The following COG4 variants were observed in gnomAD, a reference collection of about 807,000 sequenced individuals.
The protein encoded by COG4 is conserved oligomeric Golgi complex subunit 4.
A neutral mutation model predicts 95.1 loss-of-function variants in COG4; 65 were observed. The ratio of observed to expected loss-of-function variants is 0.68; its 90% CI spans 0.56 to 0.84. The LOEUF (loss-of-function observed/expected upper bound fraction) is 0.84, where lower values mean the gene tolerates loss of function less well. Ranked by LOEUF, COG4 falls within the 40% of genes least tolerant of loss-of-function variation. COG4 has a pLI of 0.00. For missense variants in COG4, 1,045 were observed against 989.1 expected, an observed-to-expected ratio of 1.06 and a Z score of -0.76; for synonymous variants, 421 against 374.8, an observed-to-expected ratio of 1.12 and a Z score of -1.42.
At chr16:70,510,859 G>A (rs2049689158) in intron 5 of COG4, among the ~76,000 whole-genome samples, 1 of 151,538 alleles carries the variant, frequency 6.6e-6, no homozygotes, top group African/African-American at 2.4e-5. Context: ...TGCCTCCCCG[G>A]CTCAAGCGAT....
chr16:70,493,998 A>C (rs2049293999), intron 12 of COG4, among the ~76,000 whole-genome samples: 1 of 152,114 alleles, frequency 6.6e-6, no homozygotes, highest in Admixed American at 6.6e-5. Context: ...TGTGATTAGG[A>C]AGTCCCTCTC....
Position 70,513,200 on chromosome 16 carries a change from A to G in COG4, c.545-768T>C, listed in dbSNP as rs574676333. Among the ~76,000 whole-genome samples, 219 of 152,338 alleles carry G rather than the reference A, an allele frequency of 1.4e-3. 1 individual carries two copies. The highest frequency in any genetic ancestry group is 5.1e-3 in the African/African-American group (214 of 41,566). Reference sequence around the variant, plus strand: ...TAGCATATTCCTTGGCATATGGAGGAGCTTGAGAAATACTTGCACAATGAG... The same window carrying G: ...TAGCATATTCCTTGGCATATGGAGGGGCTTGAGAAATACTTGCACAATGAG... On this transcript the variant is annotated intron_variant, in intron 4 of 18. Coordinates refer to ENST00000323786, the MANE Select transcript of COG4 (RefSeq NM_015386.3).
Position 70,481,444 on chromosome 16 carries a change from G to T in COG4, c.2150C>A (p.Ala717Asp). The T allele has an allele frequency of 6.2e-7, 1 of 1,613,056 alleles. No individual in the cohort carries two copies. Residue 717 changes from alanine to aspartate, a missense_variant, in exon 18 of 19, where the codon GCC becomes GAC. Ala to Asp is a moderately radical substitution (Grantham distance 126). Transcript: ENST00000323786. The stretch of plus-strand genomic sequence containing the variant: ...CCAGGTGGTCACCGTGGTAAGGTAG[G>T]CAATGAGCGACCTCAGCTCCTTGTC... The part of the protein sequence containing the change: ...QFDKELRSLI[A>D]YLTTVTTWTI...
rs533486299 is a variant in COG4, at chr16:70,519,745, A to G, written c.172-14T>C. 2 of 1,590,300 alleles carry G rather than the reference A, an allele frequency of 1.3e-6. No individual in the cohort carries two copies. Among genetic ancestry groups the G allele is most frequent in the African/African-American group, 1.3e-5 (1 of 74,620 alleles). ...CTCCACCACTTTCTGAAACACAGAG[A>G]AACATCCTGTCAGCAGAATGATCAG... On this transcript the variant is annotated splice_polypyrimidine_tract_variant and intron_variant, in intron 1 of 18. Transcript: ENST00000323786.
intron 7 of COG4, 108 bp downstream of exon 7, chr16:70,509,123 C>T: frequency 7.2e-7 from 1 of 1,397,928 alleles, no homozygotes; most frequent in Non-Finnish European, 1.0e-6. Flanking sequence ...ATTTATTTTT[C>T]TCCTGTCTGC....
chr16:70,516,389 T>C (rs2049823602), intron 3 of COG4, among the ~76,000 whole-genome samples: 1 of 152,016 alleles, frequency 6.6e-6, no homozygotes, highest in Non-Finnish European at 1.5e-5. Flanking sequence ...CTCTGCCTTC[T>C]GGGTTCACGC....
intron 3 of COG4, among the ~76,000 whole-genome samples, chr16:70,516,265 T>C (rs1484196850): frequency 6.6e-6 from 1 of 152,128 alleles, no homozygotes; most frequent in Non-Finnish European, 1.5e-5. Context: ...CTTTATATAT[T>C]GCTAGACTTG....
In COG4 at chr16:70,517,651, T is replaced by C; in HGVS notation, c.344A>G (p.Lys115Arg). The C allele has an allele frequency of 6.2e-7, 1 of 1,610,574 alleles. No homozygotes were observed. The highest frequency in any genetic ancestry group is 8.5e-7 in the Non-Finnish European group (1 of 1,177,930). Residue 115 changes from lysine to arginine, a missense_variant, in exon 3 of 19, where the codon AAA becomes AGA. Coordinates refer to ENST00000323786, the MANE Select transcript of COG4 (RefSeq NM_015386.3). Reference protein sequence around the residue: ...TCNLAENVSSKVRQLDLAKNR... With the variant: ...TCNLAENVSSRVRQLDLAKNR... The stretch of plus-strand genomic sequence containing the variant: ...CTTGGCCAGGTCAAGCTGACGAACT[T>C]TGCTGGACACATTCTCAGCCAGGTT...
chr16:70,517,687 G>T lies in COG4; in HGVS notation c.308C>A (p.Thr103Asn). The T allele has an allele frequency of 6.2e-7, 1 of 1,613,630 alleles. No individual in the cohort carries two copies. Among genetic ancestry groups the T allele is most frequent in the South Asian group, 1.1e-5 (1 of 91,042 alleles). Residue 103 changes from threonine to asparagine, a missense_variant, in exon 3 of 19, where the codon ACC becomes AAC. Coordinates refer to ENST00000323786, the MANE Select transcript of COG4 (RefSeq NM_015386.3). ...GDAKQLAGMI[T>N]FTCNLAENVS... ...ATTCTCAGCCAGGTTGCAGGTAAAG[G>T]TGATCATTCCAGCCAGCTGCTTTGC...
chr16:70,507,162 CAGA>C (rs937443679), intron 8 of COG4, among the ~76,000 whole-genome samples: 3 of 152,188 alleles, frequency 2.0e-5, no homozygotes, highest in East Asian at 1.9e-4. Context: ...TGCTTGAGCC[CAGA>C]AGGTCAAGGC....
At chr16:70,495,500 T>G (rs1358773282) in intron 12 of COG4, among the ~76,000 whole-genome samples, 2 of 151,936 alleles carry the variant, frequency 1.3e-5, no homozygotes, top group African/African-American at 2.4e-5. Flanking sequence ...GGGCTACAGA[T>G]GCTACTAGAT....
At chr16:70,498,822 G>A (rs1256366253) in intron 9 of COG4, among the ~76,000 whole-genome samples, 1 of 152,190 alleles carries the variant, frequency 6.6e-6, no homozygotes, top group Non-Finnish European at 1.5e-5. Flanking sequence ...ATTAATAGGA[G>A]TCAAAAGATG....
chr16:70,485,578 GTTTTT>G (rs1186859804), intron 13 of COG4, among the ~76,000 whole-genome samples: 1 of 137,560 alleles, frequency 7.3e-6, no homozygotes, highest in Non-Finnish European at 1.5e-5. Context: ...CAAAAATCCT[GTTTTT>G]TTTGTTTTTT....
Position 70,514,295 on chromosome 16 carries a change from A to G in COG4, c.544+40T>C, listed in dbSNP as rs143345854. On this transcript the variant is annotated intron_variant, in intron 4 of 18. Transcript: ENST00000323786. ...GTCTGCTTACTTCAGATTACAGATG[A>G]TTTTAACTAAACTAAAAACCAACAG... is the stretch of plus-strand genomic sequence containing the variant. 2,195 of 1,598,750 alleles carry G rather than the reference A, an allele frequency of 1.4e-3. 42 individuals carry two copies. In the African/African-American group the frequency reaches 0.026, roughly 19 times the overall value.
intron 1 of COG4, 57 bp downstream of exon 1, chr16:70,523,304 GGATTTCCCGACT>G: frequency 1.3e-6 from 2 of 1,584,340 alleles, no homozygotes; most frequent in Non-Finnish European, 1.7e-6. Flanking sequence ...CCCACAGCCC[GGATTTCCCGACT>G]GAAGGCTCCC....
chr16:70,500,365 C>CTTTTTTT lies in COG4; in HGVS notation c.1195+586_1195+592dup, dbSNP rs68141616. ...AGAGGATTCCTGTACATTATATACT[C>CTTTTTTT]TTTTTTTTTTTTTTTTTTTTTGAGA... On this transcript the variant is annotated intron_variant, in intron 9 of 18. Transcript: ENST00000323786. Among the ~76,000 whole-genome samples, 52 of 96,152 alleles carry CTTTTTTT rather than the reference C, an allele frequency of 5.4e-4. 4 individuals carry two copies. The highest frequency in any genetic ancestry group is 1.9e-3 in the African/African-American group (38 of 20,014). The allele number at this position is 96,152 out of a possible 152,430, so 63.1% of individuals were successfully genotyped here. A position where few individuals can be genotyped will look rare whatever the true frequency, so the allele number is the denominator to read the frequency against.
chr16:70,481,696 GT>G (rs929469925), intron 17 of COG4, 67 bp downstream of exon 17: 244 of 1,419,010 alleles, frequency 1.7e-4, no homozygotes, highest in African/African-American at 2.8e-4. Flanking sequence ...AGTCCTGGGG[GT>G]GGTGGCATGA....
In COG4 at chr16:70,483,848, C is replaced by T. The variant is rs762653356; in HGVS notation, c.1827+5G>A. 1 of 1,604,558 alleles carries T rather than the reference C, an allele frequency of 6.2e-7. No homozygotes were observed. The highest frequency in any genetic ancestry group is 2.2e-5 in the East Asian group (1 of 44,848). On this transcript the variant is annotated splice_donor_5th_base_variant and intron_variant, in intron 14 of 18. Coordinates refer to ENST00000323786, the MANE Select transcript of COG4 (RefSeq NM_015386.3). ...ATTCAGTCAGCAGTTGAACCTGGGG[C>T]TTACCTGCAAGAGGTCTCGGAATTT... is the stretch of plus-strand genomic sequence containing the variant.
intron 7 of COG4, 50 bp from the exon 8 acceptor site, chr16:70,508,514 T>C: frequency 3.3e-6 from 5 of 1,520,786 alleles, no homozygotes; most frequent in South Asian, 1.1e-5. Context: ...CCCACATCTA[T>C]TGGCCTCTTG....
Sources: gnomAD v4.1 joint callset for allele counts (sites outside exome capture counted in the v4.1 genomes callset) on GRCh38, gnomAD v4.1.1 for gene constraint, MANE v1.5 for transcripts, NCBI Gene and HGNC (gene_info 2026-07-23, HGNC 2026-07-21) for gene names.